The following VWF variants were observed in gnomAD, a reference collection of about 807,000 sequenced individuals.
VWF encodes the protein Factor VIII related antigen.
Under a neutral mutation model 308.6 loss-of-function variants are expected in VWF, and 176 were observed. The ratio of observed to expected loss-of-function variants is 0.57; its 90% CI spans 0.50 to 0.65. The LOEUF (loss-of-function observed/expected upper bound fraction) is 0.65. VWF is among the 30% of genes least tolerant of loss of function. The probability of loss-of-function intolerance (pLI) is 0.00; values close to 1 mark genes in which losing one functional copy is unlikely to be tolerated. For synonymous variants in VWF, 1,385 were observed against 1,443.4 expected, an observed-to-expected ratio of 0.96 and a Z score of 0.92; for missense variants, 3,146 against 3,648.2, an observed-to-expected ratio of 0.86 and a Z score of 3.55.
intron 2 of VWF, among the ~76,000 whole-genome samples, chr12:6,121,752 G>A (rs1432532015): frequency 4.6e-5 from 7 of 152,040 alleles, no homozygotes; most frequent in Non-Finnish European, 8.8e-5. Flanking sequence ...CCAACATGGC[G>A]AAACCCTGTC....
At chr12:6,010,349 G>A (rs547585183) in intron 34 of VWF, among the ~76,000 whole-genome samples, 2 of 152,264 alleles carry the variant, frequency 1.3e-5, no homozygotes, top group South Asian at 2.1e-4. Flanking sequence ...CAGCAAGGCC[G>A]TGGAGATGCA....
chr12:6,016,713 C>A (rs776590397), intron 29 of VWF, 41 bp downstream of exon 29: 4 of 1,614,214 alleles, frequency 2.5e-6, no homozygotes, highest in Non-Finnish European at 3.4e-6. Flanking sequence ...ACAAAAAGAG[C>A]CTCTTCGTCA....
intron 28 of VWF, 118 bp from the exon 29 acceptor site, chr12:6,016,988 G>T: frequency 9.2e-7 from 1 of 1,085,836 alleles, no homozygotes; most frequent in Non-Finnish European, 1.4e-6. Flanking sequence ...GCACCACCAA[G>T]GGGGGCGGGG....
intron 18 of VWF, among the ~76,000 whole-genome samples, chr12:6,039,529 A>G (rs1373449208): frequency 1.3e-5 from 2 of 152,234 alleles, no homozygotes; most frequent in Non-Finnish European, 2.9e-5. Flanking sequence ...TGATCTGATT[A>G]AAGCACTCCT....
chr12:6,086,761 G>A (rs966355316), intron 6 of VWF, among the ~76,000 whole-genome samples: 3 of 152,172 alleles, frequency 2.0e-5, no homozygotes, highest in Admixed American at 6.5e-5. Context: ...GGGCTGGTAG[G>A]TCCTTTGCAA....
At chr12:6,040,710 G>T (rs575668218) in intron 18 of VWF, among the ~76,000 whole-genome samples, 1 of 152,282 alleles carries the variant, frequency 6.6e-6, no homozygotes, top group African/African-American at 2.4e-5. Flanking sequence ...CTTAGCAAAG[G>T]GACCCCCATC....
chr12:6,050,535 T>C (rs1944496825), intron 16 of VWF, among the ~76,000 whole-genome samples: 1 of 152,220 alleles, frequency 6.6e-6, no homozygotes, highest in Non-Finnish European at 1.5e-5. Context: ...TGAAGACCCC[T>C]GAACCTCATC....
intron 28 of VWF, 115 bp downstream of exon 28, chr12:6,018,250 C>T (rs747943666): frequency 8.7e-5 from 117 of 1,348,720 alleles, no homozygotes; most frequent in Non-Finnish European, 1.1e-4. Flanking sequence ...CAAGGCCACA[C>T]AGACCAGGGA....
At chr12:6,080,845 C>T (rs1359679937) in intron 6 of VWF, among the ~76,000 whole-genome samples, 1 of 152,222 alleles carries the variant, frequency 6.6e-6, no homozygotes, top group African/African-American at 2.4e-5. Context: ...GCGCGAAGTT[C>T]TCATAGACCC....
intron 8 of VWF, among the ~76,000 whole-genome samples, chr12:6,073,068 G>T (rs2238105): frequency 0.3 from 44,989 of 151,880 alleles, 11,391 homozygotes; most frequent in African/African-American, 0.7. Context: ...GATTTCACCA[G>T]GTTGGCCAGG....
Position 5,951,858 on chromosome 12 carries a change from G to A in VWF, c.8141C>T (p.Thr2714Ile). ...AACGCACTCACATGTGTCACAGCAG[G>A]TGCCTGGAATTTTCATAATTTTACC... ...EGGKIMKIPG[T>I]CCDTCEEPEC... The change falls in exon 50 of 52, where the codon ACC (threonine) becomes ATC (isoleucine). Residue 2714 changes from threonine (T) to isoleucine (I), a missense_variant. Physicochemically the swap from Thr to Ile is moderately conservative, Grantham distance 89. Around this residue, in one of 3 missense-constraint regions of VWF, gnomAD observed 989 missense variants for 1,117.4 expected, o/e 0.89. Transcript: ENST00000261405. The A allele has an allele frequency of 6.2e-7, 1 of 1,614,198 alleles. No homozygotes were observed. The highest frequency in any genetic ancestry group is 1.6e-4 in the Middle Eastern group (1 of 6,062).
At chr12:6,041,440 T>A (rs186182306) in intron 18 of VWF, among the ~76,000 whole-genome samples, 6,965 of 151,082 alleles carry the variant, frequency 0.046, 187 homozygotes, top group African/African-American at 0.071. Flanking sequence ...AAAAAAATTT[T>A]TAAAAAAAAA....
At chr12:5,994,683 T>C (rs572501273) in intron 35 of VWF, 76 bp from the exon 36 acceptor site, 4 of 1,309,752 alleles carry the variant, frequency 3.1e-6, no homozygotes, top group African/African-American at 1.5e-5. Context: ...TTACCGAGAG[T>C]TCCTGCACAT....
chr12:6,113,453 A>G (rs993374346), intron 3 of VWF, among the ~76,000 whole-genome samples: 5 of 152,032 alleles, frequency 3.3e-5, no homozygotes, highest in Non-Finnish European at 5.9e-5. Flanking sequence ...GCCCGCCACC[A>G]TGCCCAGCTA....
chr12:6,115,073 A>T (rs547391991), intron 3 of VWF, among the ~76,000 whole-genome samples: 2 of 152,152 alleles, frequency 1.3e-5, no homozygotes, highest in Non-Finnish European at 2.9e-5. Context: ...GTCTTGCTCT[A>T]TCGCTCAGGA....
chr12:6,113,824 G>A (rs562250735), intron 3 of VWF, among the ~76,000 whole-genome samples: 13 of 152,304 alleles, frequency 8.5e-5, no homozygotes, highest in African/African-American at 2.6e-4. Context: ...TCCCTCCCTC[G>A]GCCTTTTCTG....
intron 10 of VWF, 54 bp downstream of exon 10, chr12:6,071,243 A>G: frequency 6.3e-7 from 1 of 1,597,472 alleles, no homozygotes; most frequent in African/African-American, 1.3e-5. Context: ...AGAGAGGAGG[A>G]GACGCCTCCC....
chr12:6,087,503 C>T (rs1156647095), intron 6 of VWF, among the ~76,000 whole-genome samples: 7 of 147,270 alleles, frequency 4.8e-5, no homozygotes, highest in Non-Finnish European at 1.0e-4. Context: ...GGACTACAGG[C>T]GCCCGCCACC....
chr12:6,059,886 G>A (rs1944634780), intron 13 of VWF, among the ~76,000 whole-genome samples: 1 of 152,220 alleles, frequency 6.6e-6, no homozygotes, highest in African/African-American at 2.4e-5. Flanking sequence ...CCCGCAGTCA[G>A]GGCACCCTGG....
Sources: gnomAD v4.1 joint callset for allele counts (sites outside exome capture counted in the v4.1 genomes callset) on GRCh38, gnomAD v4.1.1 for gene constraint, gnomAD v4.1.1 regional missense constraint, MANE v1.5 for transcripts, NCBI Gene and HGNC (gene_info 2026-07-23, HGNC 2026-07-21) for gene names.